Variants in CFAP58 observed in about 807,000 individuals in gnomAD.
CFAP58 encodes the protein cilia- and flagella-associated protein 58.
In CFAP58, 88 loss-of-function variants were observed where a neutral mutation model predicts 119.5. The ratio of observed to expected loss-of-function variants is 0.74; its 90% CI spans 0.62 to 0.88. The LOEUF is 0.88. CFAP58 is among the 40% of genes least tolerant of loss of function. The probability of loss-of-function intolerance (pLI) is 0.00; values close to 1 mark genes in which losing one functional copy is unlikely to be tolerated. For synonymous variants in CFAP58, 365 were observed against 366.3 expected (o/e 1.00, Z 0.04); for missense variants, 990 against 1,021.2 (o/e 0.97, Z 0.42).
At chr10:104,438,326 G>GTTTT (rs201531910) in intron 15 of CFAP58, among the ~76,000 whole-genome samples, 1 of 125,332 alleles carries the variant, frequency 8.0e-6, no homozygotes, top group African/African-American at 3.2e-5. Flanking sequence ...AATTTTTATT[G>GTTTT]TTTTTTTGTT....
chr10:104,351,769 G>A (rs1454422021), upstream of CFAP58: 5 of 152,102 alleles, frequency 3.3e-5, no homozygotes, highest in Non-Finnish European at 7.4e-5. Context: ...TGGGGTTAAG[G>A]AGGTCTAAAT....
At chr10:104,437,753 A>G (rs1329688970) in intron 15 of CFAP58, among the ~76,000 whole-genome samples, 1 of 152,258 alleles carries the variant, frequency 6.6e-6, no homozygotes, top group Non-Finnish European at 1.5e-5. Flanking sequence ...GGAAGAAATT[A>G]ATGAAGCTTT....
At chr10:104,449,689 T>C (rs1159300644) in intron 16 of CFAP58, among the ~76,000 whole-genome samples, 1 of 152,244 alleles carries the variant, frequency 6.6e-6, no homozygotes, top group African/African-American at 2.4e-5. Context: ...GATGTTTTTC[T>C]TGAATATTTT....
Position 104,437,852 on chromosome 10 carries a change from T to C in CFAP58, c.2257-9846T>C, listed in dbSNP as rs113995109. Among the ~76,000 whole-genome samples, 1,066 of 152,244 alleles carry C rather than the reference T, an allele frequency of 7.0e-3. 5 individuals are homozygous for C. The highest frequency in any genetic ancestry group is 0.017 in the Middle Eastern group (5 of 294). Reference sequence around the variant, plus strand: ...AAAAACATTAACCATAAAAGAAATATGTATAAATCTTGCTACGTTAAAATT... The same window carrying C: ...AAAAACATTAACCATAAAAGAAATACGTATAAATCTTGCTACGTTAAAATT... On this transcript the variant is annotated intron_variant, in intron 15 of 17. Transcript: ENST00000369704.
intron 15 of CFAP58, among the ~76,000 whole-genome samples, chr10:104,415,876 A>G (rs1316001122): frequency 2.6e-5 from 4 of 152,166 alleles, no homozygotes; most frequent in Admixed American, 6.5e-5. Context: ...ACATGATGAT[A>G]CTGTATGTAG....
intron 9 of CFAP58, among the ~76,000 whole-genome samples, chr10:104,383,753 AACACACACACAC>A (rs59181888): frequency 1.4e-5 from 2 of 145,850 alleles, no homozygotes; most frequent in Non-Finnish European, 3.0e-5. Flanking sequence ...TTTACTGTCC[AACACACACACAC>A]ACACACACAC....
At chr10:104,344,237 C>A in the CFAP58 span, among the ~76,000 whole-genome samples, 3 of 152,164 alleles carry the variant, frequency 2.0e-5, no homozygotes, top group Admixed American at 2.0e-4. Flanking sequence ...AAGATGGTAC[C>A]CTTGCCTTTG....
chr10:104,387,029 C>G (rs2011939008), intron 9 of CFAP58, among the ~76,000 whole-genome samples: 1 of 152,212 alleles, frequency 6.6e-6, no homozygotes, highest in Non-Finnish European at 1.5e-5. Context: ...AGATGCTAAA[C>G]TTCTACATTA....
At chr10:104,353,617 C>A, upstream of CFAP58, 2 of 463,270 alleles carry the variant, frequency 4.3e-6, no homozygotes, top group East Asian at 3.3e-5. Flanking sequence ...GCACCGCCCC[C>A]TCACTTCCTT....
intron 15 of CFAP58, among the ~76,000 whole-genome samples, chr10:104,416,802 A>G (rs2012561601): frequency 6.6e-6 from 1 of 152,240 alleles, no homozygotes; most frequent in Non-Finnish European, 1.5e-5. Context: ...TACTAGGGCC[A>G]CATAATGGGT....
intron 12 of CFAP58, 117 bp downstream of exon 12, chr10:104,399,617 G>A: frequency 9.5e-7 from 1 of 1,048,902 alleles, no homozygotes; most frequent in Non-Finnish European, 1.4e-6. Flanking sequence ...TGGAAGAACA[G>A]CAGCAGAGAC....
At position 104,380,200 on chromosome 10, in the gene CFAP58, G is replaced by A; in HGVS notation, c.1345G>A (p.Ala449Thr). Residue 449 changes from alanine (A) to threonine (T), a missense_variant, in exon 9 of 18, where the codon GCC becomes ACC. Coordinates refer to ENST00000369704, the MANE Select transcript of CFAP58 (RefSeq NM_001008723.2). ...EKERDRYINQ[A>T]SDLTQKVLMN... ...GGAGCGTGACCGGTACATCAACCAA[G>A]CCAGTGACCTTACGCAAAAGGTAAG... 6.2e-7 allele frequency: 1 copy of A among 1,613,896 alleles called. No individual in the cohort carries two copies. The highest frequency in any genetic ancestry group is 1.7e-5 in the Admixed American group (1 of 59,994).
At chr10:104,394,847 G>T (rs563973508) in intron 11 of CFAP58, among the ~76,000 whole-genome samples, 1 of 152,210 alleles carries the variant, frequency 6.6e-6, no homozygotes, top group Non-Finnish European at 1.5e-5. Flanking sequence ...AAAACAGTTT[G>T]TTCCACTGTG....
intron 1 of CFAP58, among the ~76,000 whole-genome samples, chr10:104,354,805 C>A (rs1371849411): frequency 2.6e-5 from 4 of 152,150 alleles, no homozygotes; most frequent in African/African-American, 9.7e-5. Context: ...AAGAATGGGG[C>A]CTTTCTGAGC....
In CFAP58 at chr10:104,439,608, A is replaced by ATCCTC. The variant is rs2013001151; in HGVS notation, c.2257-8090_2257-8089insTCCTC. ...ATTTCATTTCATTTTGGGAGGCTGA[A>ATCCTC]GTAGGAGGATTGCTTGAGCCCAGGA... On this transcript the variant is annotated intron_variant, in intron 15 of 17. Transcript: ENST00000369704. Among the ~76,000 whole-genome samples the ATCCTC allele has an allele frequency of 3.3e-5, 5 of 152,164 alleles. No individual in the cohort carries two copies. In the South Asian group the frequency reaches 1.0e-3, roughly 32 times the overall value.
rs375406045 is a variant in CFAP58, at chr10:104,366,014, T to C, written c.792+6T>C. ...AGCAGCTGAAGGAGCAGAAGGTGAG[T>C]TGGGTGTGGGTCTTCGCAAAAAACC... On this transcript the variant is annotated splice_donor_region_variant and intron_variant, in intron 5 of 17. Coordinates refer to ENST00000369704, the MANE Select transcript of CFAP58 (RefSeq NM_001008723.2). 9.9e-5 allele frequency: 157 copies of C among 1,589,750 alleles called. 2 individuals are homozygous for C. The highest frequency in any genetic ancestry group is 3.6e-5 in the Admixed American group (2 of 55,332).
chr10:104,424,656 C>T lies in CFAP58; in HGVS notation c.2256+17863C>T, dbSNP rs376259017. Among the ~76,000 whole-genome samples the T allele has an allele frequency of 4.3e-4, 65 of 152,292 alleles. 1 individual carries two copies. Among genetic ancestry groups the T allele is most frequent in the African/African-American group, 1.4e-3 (59 of 41,556 alleles). ...TGTGAAAATCCAGACCATTACTTTA[C>T]GGTTCCATTCAGTAAACAATACACA... On this transcript the variant is annotated intron_variant, in intron 15 of 17. Transcript: ENST00000369704.
At chr10:104,371,814 A>G (rs1174954126) in intron 7 of CFAP58, among the ~76,000 whole-genome samples, 2 of 152,230 alleles carry the variant, frequency 1.3e-5, no homozygotes, top group Non-Finnish European at 2.9e-5. Context: ...AATTTGGTGC[A>G]GCAGAAACAG....
chr10:104,410,722 T>C (rs770289725), intron 15 of CFAP58, among the ~76,000 whole-genome samples: 37 of 152,268 alleles, frequency 2.4e-4, no homozygotes, highest in Admixed American at 6.5e-4. Flanking sequence ...TTAGTTTTGC[T>C]TACTATGTTC....
Sources: allele counts gnomAD v4.1 joint callset (sites outside exome capture counted in the v4.1 genomes callset), GRCh38; gene constraint gnomAD v4.1.1; transcripts MANE v1.5; gene names NCBI Gene and HGNC (gene_info 2026-07-23, HGNC 2026-07-21).